LOXL2: variants seen among roughly 807,000 people sequenced by gnomAD.
LOXL2 encodes lysyl oxidase like 2.
A neutral mutation model predicts 93.0 loss-of-function variants in LOXL2; 70 were observed. The observed-to-expected ratio is 0.75, with a 90% confidence interval of 0.62 to 0.92. The LOEUF (loss-of-function observed/expected upper bound fraction) is 0.92, where lower values mean the gene tolerates loss of function less well. Ranked by LOEUF, LOXL2 falls within the 40% of genes least tolerant of loss-of-function variation. LOXL2 has a pLI of 0.00. For missense variants in LOXL2, 973 were observed against 1,054.9 expected (o/e 0.92, Z 1.08); for synonymous variants, 438 against 413.2 (o/e 1.06, Z -0.73).
chr8:23,304,350 G>A (rs1803192938), intron 10 of LOXL2, among the ~76,000 whole-genome samples: 1 of 152,244 alleles, frequency 6.6e-6, no homozygotes, highest in African/African-American at 2.4e-5. Context: ...GCTGTCGCCT[G>A]TTGCTGCAGG....
At position 23,333,305 on chromosome 8, in the gene LOXL2, C is replaced by A. The variant is rs78989875; in HGVS notation, c.966+96G>T. On this transcript the variant is annotated intron_variant, in intron 5 of 13. Transcript: ENST00000389131. Reference sequence around the variant, plus strand: ...ACAATGGTGATCTCCGCTGAGGCCACCCTTCCTCACTCTCCTGGGGGATCC... The same window carrying A: ...ACAATGGTGATCTCCGCTGAGGCCAACCTTCCTCACTCTCCTGGGGGATCC... The A allele has an allele frequency of 3.4e-6, 4 of 1,181,732 alleles. No individual in the cohort carries two copies. The South Asian group carries it at 3.9e-5, about 11-fold the overall frequency. 73.2% of individuals were successfully genotyped at this position (1,181,732 alleles called of 1,614,324 possible).
chr8:23,372,849 C>T (rs1804520822), intron 1 of LOXL2, among the ~76,000 whole-genome samples: 1 of 152,102 alleles, frequency 6.6e-6, no homozygotes, highest in African/African-American at 2.4e-5. Flanking sequence ...CAGAAAAATC[C>T]TGGGGTTGAA....
intron 9 of LOXL2, 100 bp downstream of exon 9, chr8:23,316,849 T>G (rs1585346893): frequency 4.1e-6 from 5 of 1,215,740 alleles, no homozygotes; most frequent in South Asian, 3.4e-5. Flanking sequence ...CTTCCTCTAT[T>G]GCTTGGCTCA....
Position 23,390,055 on chromosome 8 carries a change from A to G in LOXL2, c.-84+13899T>C, listed in dbSNP as rs1045415926. Among the ~76,000 whole-genome samples, 4 of 152,178 alleles carry G rather than the reference A, an allele frequency of 2.6e-5. No individual in the cohort carries two copies. In the South Asian group the frequency reaches 8.3e-4, roughly 31 times the overall value. ...ATGTTCCGCTTGACATTTCTGCCAG[A>G]TGCCTGCATTCACATTTGGGGTCAG... On this transcript the variant is annotated intron_variant, in intron 1 of 13. Coordinates refer to ENST00000389131, the MANE Select transcript of LOXL2 (RefSeq NM_002318.3).
intron 1 of LOXL2, among the ~76,000 whole-genome samples, chr8:23,377,387 G>C (rs1193811616): frequency 2.0e-5 from 3 of 151,730 alleles, no homozygotes; most frequent in East Asian, 1.9e-4. Flanking sequence ...GAATAAGTGC[G>C]ATGTGGTGCT....
intron 4 of LOXL2, among the ~76,000 whole-genome samples, chr8:23,334,097 G>A (rs1030801402): frequency 6.6e-6 from 1 of 151,902 alleles, no homozygotes. Flanking sequence ...CCAGGCAGAA[G>A]TGCAGTGGTG....
intron 11 of LOXL2, among the ~76,000 whole-genome samples, chr8:23,302,457 G>C (rs1297328517): frequency 6.6e-6 from 1 of 152,072 alleles, no homozygotes; most frequent in African/African-American, 2.4e-5. Context: ...ATAACTGCGT[G>C]TGTGTGGACC....
intron 3 of LOXL2, among the ~76,000 whole-genome samples, chr8:23,349,180 T>A (rs1392924700): frequency 6.6e-6 from 1 of 152,154 alleles, no homozygotes; most frequent in African/African-American, 2.4e-5. Context: ...AGGAGAATCA[T>A]GGGAACATAA....
chr8:23,324,258 G>C (rs766860482), intron 6 of LOXL2, among the ~76,000 whole-genome samples: 12 of 152,176 alleles, frequency 7.9e-5, no homozygotes, highest in Non-Finnish European at 1.5e-4. Context: ...TCAGCCATCT[G>C]GGGTCAGTCT....
intron 9 of LOXL2, among the ~76,000 whole-genome samples, chr8:23,310,377 G>C (rs911784058): frequency 6.6e-6 from 1 of 152,162 alleles, no homozygotes; most frequent in Non-Finnish European, 1.5e-5. Flanking sequence ...TGCTGCTTCT[G>C]GGAATGATGT....
At chr8:23,362,885 T>G (rs950099624) in intron 2 of LOXL2, among the ~76,000 whole-genome samples, 6 of 152,180 alleles carry the variant, frequency 3.9e-5, no homozygotes, top group Admixed American at 1.3e-4. Flanking sequence ...AAACCTCTCA[T>G]TTTTCTCACC....
At position 23,368,197 on chromosome 8, in the gene LOXL2, T is replaced by A. The variant is rs368172373; in HGVS notation, c.155A>T (p.Asn52Ile). 20 of 1,614,068 alleles carry A rather than the reference T, an allele frequency of 1.2e-5. No homozygotes were observed. The South Asian group carries it at 2.2e-4, about 18-fold the overall frequency. The part of the protein sequence containing the change: ...PEYHQPQAPA[N>I]VAKIQLRLAG... ...CAGGCGCAGCTGAATCTTGGCCACGTTGGCGGGGGCCTGGGGCTGGTGATA... is the reference window on the plus strand; with the variant it reads ...CAGGCGCAGCTGAATCTTGGCCACGATGGCGGGGGCCTGGGGCTGGTGATA... Residue 52 changes from asparagine (N) to isoleucine (I), a missense_variant, in exon 2 of 14, where the codon AAC becomes ATC. Coordinates refer to ENST00000389131, the MANE Select transcript of LOXL2 (RefSeq NM_002318.3).
intron 10 of LOXL2, among the ~76,000 whole-genome samples, chr8:23,303,876 T>A (rs1221560692): frequency 1.3e-5 from 2 of 152,094 alleles, no homozygotes; most frequent in Non-Finnish European, 2.9e-5. Flanking sequence ...GAAGCATGAT[T>A]AAGGGGGAGC....
At chr8:23,344,678 C>T (rs913860471) in intron 3 of LOXL2, among the ~76,000 whole-genome samples, 3 of 151,382 alleles carry the variant, frequency 2.0e-5, no homozygotes, top group Non-Finnish European at 2.9e-5. Flanking sequence ...TGCACTCTCC[C>T]TGTATGTGTC....
chr8:23,308,245 C>T (rs984276230), intron 10 of LOXL2, among the ~76,000 whole-genome samples: 13 of 152,326 alleles, frequency 8.5e-5, no homozygotes, highest in East Asian at 1.9e-4. Flanking sequence ...ATCTAGACAA[C>T]GGCTTCTCAC....
At chr8:23,362,062 G>C (rs933845359) in intron 2 of LOXL2, among the ~76,000 whole-genome samples, 1 of 152,190 alleles carries the variant, frequency 6.6e-6, no homozygotes, top group South Asian at 2.1e-4. Context: ...CTACACACCT[G>C]TGTTCATAAC....
chr8:23,380,035 C>G (rs1454833101), intron 1 of LOXL2, among the ~76,000 whole-genome samples: 2 of 152,210 alleles, frequency 1.3e-5, no homozygotes, highest in Non-Finnish European at 2.9e-5. Flanking sequence ...GTTGCTCACG[C>G]TGGCAGACGT....
chr8:23,342,765 T>C (rs1315823494), intron 3 of LOXL2, among the ~76,000 whole-genome samples: 1 of 151,812 alleles, frequency 6.6e-6, no homozygotes, highest in Non-Finnish European at 1.5e-5. Context: ...TTTTATTCTT[T>C]TTTGAGGCAG....
At chr8:23,338,138 G>A (rs1336489876) in intron 4 of LOXL2, among the ~76,000 whole-genome samples, 1 of 152,154 alleles carries the variant, frequency 6.6e-6, no homozygotes, top group South Asian at 2.1e-4. Flanking sequence ...AAACCATCAG[G>A]TCTCATGAGA....
Sources: allele counts gnomAD v4.1 joint callset (sites outside exome capture counted in the v4.1 genomes callset), GRCh38; gene constraint gnomAD v4.1.1; transcripts MANE v1.5; gene names NCBI Gene and HGNC (gene_info 2026-07-23, HGNC 2026-07-21).